FRAS1: variants seen among roughly 807,000 people sequenced by gnomAD.
FRAS1 encodes the protein Fraser extracellular matrix complex subunit 1.
FRAS1 carries 290 observed loss-of-function variants against 435.2 expected under a neutral mutation model. The observed-to-expected ratio is 0.67, with a 90% CI of 0.61 to 0.73. The LOEUF is 0.73. Among genes scored for constraint, FRAS1 ranks in the 30% least tolerant of loss-of-function variants. The pLI, the probability that FRAS1 is intolerant of heterozygous loss-of-function variation, is 0.00. For missense variants in FRAS1, 4,860 were observed against 5,001.5 expected (o/e 0.97, Z 0.85); for synonymous variants, 1,800 against 1,851.0 (o/e 0.97, Z 0.71).
chr4:78,462,068 A>C (rs1719383199), intron 47 of FRAS1, among the ~76,000 whole-genome samples: 1 of 152,094 alleles, frequency 6.6e-6, no homozygotes, highest in Non-Finnish European at 1.5e-5. Flanking sequence ...ACCAAAGCTT[A>C]TGAAATTGCA....
chr4:78,519,305 CTG>C (rs1721312015), intron 66 of FRAS1, 24 bp from the exon 67 acceptor site: 1 of 1,480,156 alleles, frequency 6.8e-7, no homozygotes. Flanking sequence ...AGAAATAACT[CTG>C]TGTGCATACT....
chr4:78,077,768 A>G (rs1356018241), intron 2 of FRAS1, among the ~76,000 whole-genome samples: 1 of 152,196 alleles, frequency 6.6e-6, no homozygotes, highest in African/African-American at 2.4e-5. Flanking sequence ...AGTGTTTTTC[A>G]AAAACCAAAC....
intron 47 of FRAS1, among the ~76,000 whole-genome samples, chr4:78,453,377 G>C (rs1265268339): frequency 6.6e-6 from 1 of 152,198 alleles, no homozygotes; most frequent in Non-Finnish European, 1.5e-5. Context: ...GAGAATTCCT[G>C]TACCTAGTAA....
intron 33 of FRAS1, among the ~76,000 whole-genome samples, chr4:78,420,674 T>A (rs992528338): frequency 7.7e-5 from 10 of 129,056 alleles, no homozygotes; most frequent in Non-Finnish European, 1.6e-4. Flanking sequence ...GAGAAAAATC[T>A]TTTTATAGCC....
At chr4:78,431,638 A>G (rs1734226499) in intron 37 of FRAS1, among the ~76,000 whole-genome samples, 1 of 152,220 alleles carries the variant, frequency 6.6e-6, no homozygotes, top group Admixed American at 6.5e-5. Flanking sequence ...ATTAGGGCTC[A>G]TGGCACTAAG....
intron 47 of FRAS1, among the ~76,000 whole-genome samples, chr4:78,462,748 G>T (rs756395025): frequency 2.6e-5 from 4 of 152,196 alleles, no homozygotes; most frequent in Non-Finnish European, 5.9e-5. Context: ...TTTCTTGCCT[G>T]TCAAGAACTG....
At chr4:78,127,765 A>G (rs1719449344) in intron 2 of FRAS1, among the ~76,000 whole-genome samples, 1 of 152,060 alleles carries the variant, frequency 6.6e-6, no homozygotes, top group Non-Finnish European at 1.5e-5. Context: ...TATTATTATT[A>G]TACTTTAAGT....
At chr4:78,333,460 C>T (rs374394638) in intron 19 of FRAS1, 48 bp downstream of exon 19, 5 of 1,573,224 alleles carry the variant, frequency 3.2e-6, no homozygotes, top group Non-Finnish European at 4.3e-6. Flanking sequence ...CATGTTTTGT[C>T]TTCAGAGCAT....
chr4:78,462,027 T>C (rs1719381698), intron 47 of FRAS1, among the ~76,000 whole-genome samples: 1 of 152,220 alleles, frequency 6.6e-6, no homozygotes, highest in African/African-American at 2.4e-5. Flanking sequence ...ATTGGTTCAC[T>C]ATTTTGAATG....
At chr4:78,360,711 A>G (rs951662570) in intron 20 of FRAS1, among the ~76,000 whole-genome samples, 10 of 152,182 alleles carry the variant, frequency 6.6e-5, no homozygotes, top group Non-Finnish European at 1.0e-4. Context: ...AGGGTTGAAA[A>G]GCACTGCTGG....
chr4:78,421,344 C>T (rs1733781425), intron 33 of FRAS1, among the ~76,000 whole-genome samples: 1 of 152,032 alleles, frequency 6.6e-6, no homozygotes. Flanking sequence ...TACAGGGTTT[C>T]ACCGTGTTGG....
chr4:78,151,147 C>T (rs777001298), intron 2 of FRAS1, among the ~76,000 whole-genome samples: 3 of 152,052 alleles, frequency 2.0e-5, no homozygotes, highest in African/African-American at 7.2e-5. Flanking sequence ...AAAGATATAC[C>T]GTGCTCACAA....
chr4:78,064,240 A>T (rs1739888152), intron 1 of FRAS1, among the ~76,000 whole-genome samples: 1 of 150,918 alleles, frequency 6.6e-6, no homozygotes, highest in Non-Finnish European at 1.5e-5. Flanking sequence ...AAAAATAGGG[A>T]GTGTCTATAA....
intron 2 of FRAS1, among the ~76,000 whole-genome samples, chr4:78,111,595 A>G (rs1742697160): frequency 1.0e-5 from 1 of 96,762 alleles, no homozygotes; most frequent in Admixed American, 1.1e-4. Context: ...CACTCTGGGG[A>G]CTGTGGTGGG....
chr4:78,168,561 ATT>A (rs1721428475), intron 2 of FRAS1, among the ~76,000 whole-genome samples: 1 of 151,550 alleles, frequency 6.6e-6, no homozygotes, highest in Non-Finnish European at 1.5e-5. Flanking sequence ...TGCCATTTTT[ATT>A]ACTGTCTACT....
chr4:78,158,344 A>G (rs920668417), intron 2 of FRAS1, among the ~76,000 whole-genome samples: 1 of 152,136 alleles, frequency 6.6e-6, no homozygotes, highest in African/African-American at 2.4e-5. Flanking sequence ...TGTGTCATAT[A>G]TGATTTCTTT....
At chr4:78,481,695 A>G in intron 56 of FRAS1, 109 bp from the exon 57 acceptor site, 1 of 1,243,020 alleles carries the variant, frequency 8.0e-7, no homozygotes, top group Admixed American at 1.7e-5. Flanking sequence ...GAAAAGCTCA[A>G]AGGGCTAAAA....
intron 26 of FRAS1, 85 bp downstream of exon 26, chr4:78,375,964 T>A (rs145115632): frequency 2.7e-6 from 4 of 1,471,494 alleles, no homozygotes; most frequent in Non-Finnish European, 3.8e-6. Flanking sequence ...AATTGACTTA[T>A]GTGATATAAA....
intron 54 of FRAS1, among the ~76,000 whole-genome samples, chr4:78,477,524 G>C (rs188836218): frequency 6.6e-6 from 1 of 152,288 alleles, no homozygotes; most frequent in Admixed American, 6.5e-5. Context: ...GAGATAATAA[G>C]ACAGGCTATA....
Sources: allele counts gnomAD v4.1 joint callset (sites outside exome capture counted in the v4.1 genomes callset), GRCh38; gene constraint gnomAD v4.1.1; transcripts MANE v1.5; gene names NCBI Gene and HGNC (gene_info 2026-07-23, HGNC 2026-07-21).